Variants in SLC35D2 observed in about 807,000 individuals in gnomAD.
SLC35D2 encodes solute carrier family 35 member D2, also known as nucleotide sugar transporter SLC35D2.
A neutral mutation model predicts 41.8 loss-of-function variants in SLC35D2; 43 were observed. The ratio of observed to expected loss-of-function variants is 1.03; its 90% CI spans 0.81 to 1.33. SLC35D2 has a LOEUF of 1.33. Ranked by LOEUF, SLC35D2 falls within the 40% of genes most tolerant of loss-of-function variation. SLC35D2 has a pLI of 0.00. For synonymous variants in SLC35D2, 150 were observed against 163.9 expected, an observed-to-expected ratio of 0.92 and a Z score of 0.65; for missense variants, 380 against 408.4, an observed-to-expected ratio of 0.93 and a Z score of 0.60.
chr9:96,332,880 T>C (rs1291631855), intron 9 of SLC35D2, among the ~76,000 whole-genome samples: 1 of 151,808 alleles, frequency 6.6e-6, no homozygotes, highest in Non-Finnish European at 1.5e-5. Flanking sequence ...CTGTTTTACT[T>C]ATAATAACTA....
chr9:96,343,629 G>A (rs150976138), intron 8 of SLC35D2, among the ~76,000 whole-genome samples: 1 of 152,280 alleles, frequency 6.6e-6, no homozygotes, highest in East Asian at 1.9e-4. Flanking sequence ...ATTAGCAAAG[G>A]GGGATATGGA....
Position 96,322,329 on chromosome 9 carries a change from G to C in SLC35D2, c.832-249C>G, listed in dbSNP as rs141245187. Among the ~76,000 whole-genome samples the C allele has an allele frequency of 5.3e-5, 8 of 152,080 alleles. No individual in the cohort carries two copies. The East Asian group carries it at 1.5e-3, about 29-fold the overall frequency. On this transcript the variant is annotated intron_variant, in intron 10 of 11. Transcript: ENST00000253270. ...AGCCCAGGAGTTTAAGACCAGCCTG[G>C]GCAACATAGTGAGATCCCATCTCTA...
intron 1 of SLC35D2, among the ~76,000 whole-genome samples, chr9:96,376,111 T>G (rs544147038): frequency 6.6e-6 from 1 of 150,690 alleles, no homozygotes; most frequent in Non-Finnish European, 1.5e-5. Flanking sequence ...CTGACCAACA[T>G]GGTGAAACCC....
Position 96,345,395 on chromosome 9 carries a change from G to A in SLC35D2, c.495C>T (p.Asp165=). 1 of 1,583,036 alleles carries A rather than the reference G, an allele frequency of 6.3e-7. No individual in the cohort carries two copies. The highest frequency in any genetic ancestry group is 8.7e-7 in the Non-Finnish European group (1 of 1,154,400). ...ILGAFIAAGS[D]LAFNLEGYIF... ...TATAGCCTTCTAAGTTAAAAGCAAG[G>A]TCAGACCTGGGAGGGAGACCACAAA... The change falls in exon 7 of 12, where the codon GAC becomes GAT. Residue 165 remains aspartate, a synonymous_variant. Coordinates refer to ENST00000253270, the MANE Select transcript of SLC35D2 (RefSeq NM_007001.3).
At chr9:96,360,962 C>G (rs1028866523) in intron 3 of SLC35D2, among the ~76,000 whole-genome samples, 5 of 152,042 alleles carry the variant, frequency 3.3e-5, no homozygotes, top group African/African-American at 1.2e-4. Flanking sequence ...AGGCTGGTCT[C>G]GAACTCCTGG....
At position 96,353,350 on chromosome 9, in the gene SLC35D2, T is replaced by TATTTATTC. The variant is rs1272696241; in HGVS notation, c.348-1242_348-1241insGAATAAAT. 2.1e-3 allele frequency among the ~76,000 whole-genome samples: 316 copies of TATTTATTC among 151,582 alleles called. 2 individuals carry two copies. Among genetic ancestry groups the TATTTATTC allele is most frequent in the African/African-American group, 7.6e-3 (312 of 41,284 alleles). ...CAGAAAAGGGCTGCAAAGGATTATT[T>TATTTATTC]ATTTATTTATTTATTTATTTAGAGA... On this transcript the variant is annotated intron_variant, in intron 4 of 11. Coordinates refer to ENST00000253270, the MANE Select transcript of SLC35D2 (RefSeq NM_007001.3).
chr9:96,330,247 G>A (rs970281841), intron 9 of SLC35D2, among the ~76,000 whole-genome samples: 5 of 152,164 alleles, frequency 3.3e-5, no homozygotes, highest in Non-Finnish European at 7.3e-5. Flanking sequence ...CAACCATGAG[G>A]GCAAATCCTC....
At chr9:96,325,066 G>C (rs1164249787) in intron 9 of SLC35D2, among the ~76,000 whole-genome samples, 1 of 152,192 alleles carries the variant, frequency 6.6e-6, no homozygotes, top group Non-Finnish European at 1.5e-5. Context: ...TCCACTTGTG[G>C]ATAATGCTCC....
intron 2 of SLC35D2, among the ~76,000 whole-genome samples, chr9:96,365,101 C>G (rs1233640411): frequency 6.7e-6 from 1 of 150,318 alleles, no homozygotes; most frequent in African/African-American, 2.4e-5. Context: ...TGCCTGTAAT[C>G]CCAGCATTTT....
rs778204722 is a variant in SLC35D2, at chr9:96,321,197, C to T, written c.*45G>A. 2.2e-5 allele frequency: 32 copies of T among 1,447,704 alleles called. No homozygotes were observed. The South Asian group carries it at 2.8e-4, about 13-fold the overall frequency. The allele number at this position is 1,447,704 out of a possible 1,614,324, so 89.7% of individuals were successfully genotyped here. A position where few individuals can be genotyped will look rare whatever the true frequency, so the allele number is the denominator to read the frequency against. ...TCACATTCCTACTGGGAATGCCCCC[C>T]CAGCCCGCAGTCACAAGTCAGTCTC... On this transcript the variant is annotated 3_prime_UTR_variant, in exon 12 of 12. Coordinates refer to ENST00000253270, the MANE Select transcript of SLC35D2 (RefSeq NM_007001.3).
intron 8 of SLC35D2, among the ~76,000 whole-genome samples, chr9:96,340,497 G>A (rs1486736688): frequency 6.6e-6 from 1 of 151,496 alleles, no homozygotes; most frequent in Non-Finnish European, 1.5e-5. Flanking sequence ...GCGGGCGCCT[G>A]TAGTTCCAGC....
chr9:96,326,952 T>C (rs1268173504), intron 9 of SLC35D2, among the ~76,000 whole-genome samples: 2 of 152,126 alleles, frequency 1.3e-5, no homozygotes, highest in Non-Finnish European at 2.9e-5. Context: ...TGCCACTGAG[T>C]GCCTGCTCTG....
intron 1 of SLC35D2, among the ~76,000 whole-genome samples, chr9:96,381,109 C>G (rs1386341510): frequency 6.6e-6 from 1 of 152,228 alleles, no homozygotes; most frequent in Non-Finnish European, 1.5e-5. Context: ...GCCTGCCAGC[C>G]AGAGAGATCT....
At chr9:96,352,484 G>A (rs1332017462) in intron 4 of SLC35D2, among the ~76,000 whole-genome samples, 1 of 151,888 alleles carries the variant, frequency 6.6e-6, no homozygotes, top group African/African-American at 2.4e-5. Context: ...ACAACACCCG[G>A]CTAATTTTTG....
intron 1 of SLC35D2, among the ~76,000 whole-genome samples, chr9:96,378,128 C>T (rs989775119): frequency 2.0e-5 from 3 of 152,100 alleles, no homozygotes; most frequent in Non-Finnish European, 4.4e-5. Context: ...GACTACTGGG[C>T]AGGTTTGGAA....
chr9:96,357,237 T>C (rs1409965126), intron 4 of SLC35D2, among the ~76,000 whole-genome samples: 1 of 152,186 alleles, frequency 6.6e-6, no homozygotes, highest in Non-Finnish European at 1.5e-5. Context: ...CTTAAAATTA[T>C]GATCAACTGA....
chr9:96,358,105 T>TATATATATATATCTATATTTATAGAG, intron 4 of SLC35D2, among the ~76,000 whole-genome samples: 1 of 143,524 alleles, frequency 7.0e-6, no homozygotes, highest in Admixed American at 7.0e-5. Flanking sequence ...TATATATATA[T>TATATATATATATCTATATTTATAGAG]ATACCTGCAA....
At chr9:96,372,366 T>G (rs878888628) in intron 1 of SLC35D2, among the ~76,000 whole-genome samples, 3 of 151,856 alleles carry the variant, frequency 2.0e-5, no homozygotes, top group Admixed American at 1.3e-4. Context: ...TTTTCTACAT[T>G]AAAAGAAACT....
At chr9:96,368,358 A>G in intron 1 of SLC35D2, 53 bp from the exon 2 acceptor site, 2 of 1,293,730 alleles carry the variant, frequency 1.5e-6, no homozygotes, top group South Asian at 2.7e-5. Flanking sequence ...AACTCTGAAG[A>G]TAGTACATAA....
Sources: allele counts gnomAD v4.1 joint callset (sites outside exome capture counted in the v4.1 genomes callset), GRCh38; gene constraint gnomAD v4.1.1; transcripts MANE v1.5; gene names NCBI Gene and HGNC (gene_info 2026-07-23, HGNC 2026-07-21).